PLAC1: variants seen among roughly 807,000 people sequenced by gnomAD.
PLAC1 encodes the protein placenta associated 1, also known as placenta-specific protein 1.
For synonymous variants in PLAC1, 68 were observed against 62.1 expected, an observed-to-expected ratio of 1.09 and a Z score of -0.44; for missense variants, 136 against 163.2, an observed-to-expected ratio of 0.83 and a Z score of 0.91.
At chrX:134,669,420 G>A (rs1202470899) in intron 2 of PLAC1, among the ~76,000 whole-genome samples, 1 of 112,490 alleles carries the variant, frequency 8.9e-6, no homozygotes, top group Non-Finnish European at 1.9e-5. Flanking sequence ...ATGTTAATAT[G>A]TGTAAAGAAG....
chrX:134,739,846 T>C (rs1432339228), intron 1 of PLAC1, among the ~76,000 whole-genome samples: 3 of 112,663 alleles, frequency 2.7e-5, no homozygotes, highest in Non-Finnish European at 5.6e-5. Context: ...CACTGTCTAC[T>C]GAAGCTGAAC....
intron 1 of PLAC1, among the ~76,000 whole-genome samples, chrX:134,612,838 C>A (rs924168770): frequency 3.6e-5 from 4 of 111,413 alleles, no homozygotes; most frequent in African/African-American, 1.3e-4. Context: ...CTGAATCCAG[C>A]CTCTAAGAGC....
intron 2 of PLAC1, among the ~76,000 whole-genome samples, chrX:134,717,543 G>A (rs889815452): frequency 2.7e-5 from 3 of 112,138 alleles, no homozygotes; most frequent in African/African-American, 9.7e-5. Context: ...TTACAGGCTT[G>A]AGACACCGCA....
At chrX:134,762,253 T>C (rs953903537) in intron 1 of PLAC1, among the ~76,000 whole-genome samples, 2 of 106,250 alleles carry the variant, frequency 1.9e-5, no homozygotes, top group East Asian at 6.1e-4. Flanking sequence ...ACAGACTGAA[T>C]CAACCCAAGT....
intron 1 of PLAC1, chrX:134,733,602 A>G (rs2078695190): frequency 9.0e-6 from 1 of 111,490 alleles, no homozygotes; most frequent in South Asian, 3.8e-4. Flanking sequence ...CCAGGCAGTA[A>G]TGGGGGCCTC....
rs1262727390 is a variant in PLAC1, at chrX:134,647,296, T to C, written c.-131+11032A>G. Among the ~76,000 whole-genome samples, 5 of 111,814 alleles carry C rather than the reference T, an allele frequency of 4.5e-5. No homozygotes were observed. The East Asian group carries it at 8.5e-4, about 19-fold the overall frequency. On this transcript the variant is annotated intron_variant, in intron 1 of 2. Transcript: ENST00000359237. ...TGGCCTTCTGGGCCACCAGGTTCCA[T>C]GCATCTTATTCCACTGCTCTGCTCT...
At chrX:134,734,893 C>T (rs1439705405) in intron 1 of PLAC1, among the ~76,000 whole-genome samples, 1 of 110,551 alleles carries the variant, frequency 9.0e-6, no homozygotes, top group Non-Finnish European at 1.9e-5. Flanking sequence ...ACTGCTGGGG[C>T]CATCCCCTTC....
At chrX:134,683,369 A>G (rs925070776) in intron 2 of PLAC1, among the ~76,000 whole-genome samples, 3 of 110,935 alleles carry the variant, frequency 2.7e-5, no homozygotes, top group African/African-American at 9.8e-5. Context: ...CTTATCTCCA[A>G]CATAAACAAC....
intron 2 of PLAC1, among the ~76,000 whole-genome samples, chrX:134,718,308 C>T (rs1051324310): frequency 3.6e-5 from 4 of 111,711 alleles, no homozygotes; most frequent in Non-Finnish European, 7.5e-5. Flanking sequence ...GTAAGGCATA[C>T]TGTGAGGGTG....
chrX:134,716,359 T>A (rs2078643320), intron 2 of PLAC1, among the ~76,000 whole-genome samples: 1 of 112,396 alleles, frequency 8.9e-6, no homozygotes, highest in Non-Finnish European at 1.9e-5. Flanking sequence ...TGGCTTATGG[T>A]AGGAGGGCCT....
intron 1 of PLAC1, among the ~76,000 whole-genome samples, chrX:134,629,946 C>A (rs1336544380): frequency 9.7e-6 from 1 of 103,180 alleles, no homozygotes; most frequent in Non-Finnish European, 2.0e-5. Flanking sequence ...GTTATTATTT[C>A]TTTCTTTCTT....
chrX:134,626,576 T>C (rs1043622944), intron 1 of PLAC1, among the ~76,000 whole-genome samples: 5 of 111,955 alleles, frequency 4.5e-5, no homozygotes, highest in Non-Finnish European at 9.4e-5. Context: ...TCTCTCCCCA[T>C]CTACTCCCTT....
At chrX:134,584,102 G>A (rs949296918) in intron 2 of PLAC1, among the ~76,000 whole-genome samples, 1 of 110,768 alleles carries the variant, frequency 9.0e-6, no homozygotes, top group Admixed American at 9.6e-5. Flanking sequence ...TCCTGACTAT[G>A]CCTCCACGAC....
At position 134,574,251 on chromosome X, in the gene PLAC1, G is replaced by A. The variant is rs2077926033; in HGVS notation, c.-58-7511C>T. 2.7e-5 allele frequency among the ~76,000 whole-genome samples: 3 copies of A among 111,558 alleles called. No individual in the cohort carries two copies. The Admixed American group carries it at 2.9e-4, about 11-fold the overall frequency. On this transcript the variant is annotated intron_variant, in intron 2 of 2. Coordinates refer to ENST00000359237, the MANE Select transcript of PLAC1 (RefSeq NM_021796.4). ...TACCATAAATTCCTTTAAAAATGGG[G>A]TCTTGATCTACTATAGTATCTGGTA...
chrX:134,715,898 A>G (rs1260143169), intron 2 of PLAC1, among the ~76,000 whole-genome samples: 12 of 112,350 alleles, frequency 1.1e-4, no homozygotes, highest in Non-Finnish European at 2.3e-4. Flanking sequence ...GTGGGGCAGG[A>G]AAGTTGCAGA....
At chrX:134,744,262 A>G (rs922259534) in intron 1 of PLAC1, among the ~76,000 whole-genome samples, 2 of 104,379 alleles carry the variant, frequency 1.9e-5, no homozygotes, top group African/African-American at 7.3e-5. Context: ...AGCCTGAGCA[A>G]CATAGAGAGA....
chrX:134,690,178 G>A (rs1024653225), intron 2 of PLAC1, among the ~76,000 whole-genome samples: 1 of 112,324 alleles, frequency 8.9e-6, no homozygotes, highest in Non-Finnish European at 1.9e-5. Context: ...GTTGTAGCAT[G>A]TGTCAGAATT....
chrX:134,624,498 T>C (rs896694820), intron 1 of PLAC1, among the ~76,000 whole-genome samples: 2 of 112,453 alleles, frequency 1.8e-5, no homozygotes, highest in Admixed American at 9.4e-5. Flanking sequence ...AAGCCTACTA[T>C]AATGAGAGCA....
At chrX:134,644,342 C>A (rs2078321376) in intron 1 of PLAC1, among the ~76,000 whole-genome samples, 1 of 111,579 alleles carries the variant, frequency 9.0e-6, no homozygotes, top group African/African-American at 3.3e-5. Flanking sequence ...TTTTTCTAGA[C>A]ATTTCTATAA....
Sources: gnomAD v4.1 joint callset for allele counts (sites outside exome capture counted in the v4.1 genomes callset) on GRCh38, gnomAD v4.1.1 for gene constraint, MANE v1.5 for transcripts, NCBI Gene and HGNC (gene_info 2026-07-23, HGNC 2026-07-21) for gene names.